MROH1: variants seen among roughly 807,000 people sequenced by gnomAD.
MROH1 encodes the protein maestro heat-like repeat-containing protein family member 1.
In MROH1, 117 loss-of-function variants were observed where a neutral mutation model predicts 116.5. That is an observed-to-expected ratio of 1.00 (90% CI 0.86 to 1.17). The LOEUF (loss-of-function observed/expected upper bound fraction) is 1.17, where lower values mean the gene tolerates loss of function less well. Among genes scored for constraint, MROH1 ranks in the 50% most tolerant of loss-of-function variants. The pLI, the probability that MROH1 is intolerant of heterozygous loss-of-function variation, is 0.00. For synonymous variants in MROH1, 921 were observed against 583.9 expected (o/e 1.58, Z -8.32); for missense variants, 1,873 against 1,338.5 (o/e 1.40, Z -6.23).
At chr8:144,222,999 C>T in intron 13 of MROH1, 109 bp from the exon 14 acceptor site, 2 of 1,490,342 alleles carry the variant, frequency 1.3e-6, no homozygotes, top group Non-Finnish European at 1.8e-6. Flanking sequence ...CAGTTGTGGG[C>T]ACATGTGTGG....
rs1352092820 is a variant in MROH1, at chr8:144,225,010, T to A, written c.1338+1780T>A. Among the ~76,000 whole-genome samples, 4 of 152,164 alleles carry A rather than the reference T, an allele frequency of 2.6e-5. No homozygotes were observed. In the East Asian group the frequency reaches 5.8e-4, roughly 22 times the overall value. On this transcript the variant is annotated intron_variant, in intron 14 of 43. Transcript: ENST00000326134. The stretch of plus-strand genomic sequence containing the variant: ...TTATCTATATTACCACACCTAACTT[T>A]CTTTTTTTTTTTCCATTTAAATTAT...
intron 25 of MROH1, 97 bp from the exon 26 acceptor site, chr8:144,243,766 G>A (rs1249530163): frequency 1.1e-5 from 8 of 739,774 alleles, no homozygotes; most frequent in Non-Finnish European, 1.8e-5. Flanking sequence ...TCTGCTCCTC[G>A]GGCCCCGCCT....
At chr8:144,158,861 C>G (rs1046940881) in intron 1 of MROH1, among the ~76,000 whole-genome samples, 1 of 152,148 alleles carries the variant, frequency 6.6e-6, no homozygotes, top group Non-Finnish European at 1.5e-5. Context: ...CCTCCTGCCT[C>G]CCGAGTAGCT....
In MROH1 at chr8:144,192,657, G is replaced by T. The variant is rs548578537; in HGVS notation, c.948+256G>T. The T allele has an allele frequency of 1.3e-4, 88 of 665,532 alleles. No individual in the cohort carries two copies. In the African/African-American group the frequency reaches 1.4e-3, roughly 10 times the overall value. 41.2% of individuals were successfully genotyped at this position (665,532 alleles called of 1,614,324 possible). A position where few individuals can be genotyped will look rare whatever the true frequency, so the allele number is the denominator to read the frequency against. On this transcript the variant is annotated intron_variant, in intron 10 of 43. Transcript: ENST00000326134. ...GCAGGAGTGGGTGCCCAGGCCCAGT[G>T]CAGGCCCAGTACAGGTGGTCCCAGA... is the stretch of plus-strand genomic sequence containing the variant.
In MROH1 at chr8:144,242,401, G is replaced by T; in HGVS notation, c.2211G>T (p.Lys737Asn). 1.3e-6 allele frequency: 1 copy of T among 780,754 alleles called. No individual in the cohort carries two copies. Among genetic ancestry groups the T allele is most frequent in the Non-Finnish European group, 2.4e-6 (1 of 417,840 alleles). The allele number at this position is 780,754 out of a possible 1,614,324, so 48.4% of individuals were successfully genotyped here. A position where few individuals can be genotyped will look rare whatever the true frequency, so the allele number is the denominator to read the frequency against. The change falls in exon 23 of 44, where the codon AAG (lysine) becomes AAT (asparagine). Residue 737 changes from lysine to asparagine, a missense_variant. Lys to Asn is a moderately conservative substitution (Grantham distance 94). Transcript: ENST00000326134. Reference protein sequence around the residue: ...DRSENEVEKVKSALILCYGHV... With the variant: ...DRSENEVEKVNSALILCYGHV... Reference sequence around the variant, plus strand: ...GTGAGAACGAAGTGGAGAAGGTGAAGAGTGCTCTGATCCTGTGCTATGGGC... The same window carrying T: ...GTGAGAACGAAGTGGAGAAGGTGAATAGTGCTCTGATCCTGTGCTATGGGC...
Position 144,200,327 on chromosome 8 carries a change from A to G in MROH1, c.1028-101A>G, listed in dbSNP as rs546184741. On this transcript the variant is annotated intron_variant, in intron 11 of 43. Coordinates refer to ENST00000326134, the MANE Select transcript of MROH1 (RefSeq NM_032450.3). ...CCCAGCTTCTCACCTTCACACAGCAACTCTCCTCTGGCTCCTCCCCTGTGC... is the reference window on the plus strand; with the variant it reads ...CCCAGCTTCTCACCTTCACACAGCAGCTCTCCTCTGGCTCCTCCCCTGTGC... The G allele has an allele frequency of 7.7e-5, 72 of 939,930 alleles. 1 individual carries two copies. In the South Asian group the frequency reaches 9.1e-4, roughly 12 times the overall value. The allele number at this position is 939,930 out of a possible 1,614,324, so 58.2% of individuals were successfully genotyped here. A position where few individuals can be genotyped will look rare whatever the true frequency, so the allele number is the denominator to read the frequency against.
At position 144,168,409 on chromosome 8, in the gene MROH1, C is replaced by T; in HGVS notation, c.137C>T (p.Ala46Val). The change falls in exon 4 of 44, where the codon GCC (alanine) becomes GTC (valine). Residue 46 changes from alanine to valine, a missense_variant. Physicochemically the swap from Ala to Val is moderately conservative, Grantham distance 64. Coordinates refer to ENST00000326134, the MANE Select transcript of MROH1 (RefSeq NM_032450.3). ...GCGCGGCCGGTGGAGACGCTCCGTG[C>T]CTGCGAGGAGTATCTGCGGCAGCAT... ...GEARPVETLR[A>V]CEEYLRQHDK... The T allele has an allele frequency of 2.5e-6, 4 of 1,610,710 alleles. No homozygotes were observed. The highest frequency in any genetic ancestry group is 3.4e-6 in the Non-Finnish European group (4 of 1,179,090).
chr8:144,151,855 G>A (rs1391076568), intron 1 of MROH1, among the ~76,000 whole-genome samples: 4 of 152,208 alleles, frequency 2.6e-5, no homozygotes, highest in East Asian at 1.9e-4. Flanking sequence ...GCCCTGCGAC[G>A]GGGACAAGGG....
chr8:144,207,146 A>T (rs1336093736), intron 12 of MROH1, among the ~76,000 whole-genome samples: 2 of 148,992 alleles, frequency 1.3e-5, no homozygotes, highest in Non-Finnish European at 3.0e-5. Context: ...TTGCGTATAT[A>T]TGTTGAAGTT....
intron 4 of MROH1, among the ~76,000 whole-genome samples, chr8:144,179,212 C>G (rs1312062013): frequency 9.9e-5 from 15 of 152,088 alleles, no homozygotes. Flanking sequence ...AGCCCCCCGC[C>G]TCGCCCTCTG....
Position 144,247,576 on chromosome 8 carries a change from G to A in MROH1, c.3017G>A (p.Arg1006Gln), listed in dbSNP as rs961461899. The A allele has an allele frequency of 2.2e-5, 17 of 774,278 alleles. No individual in the cohort carries two copies. Among genetic ancestry groups the A allele is most frequent in the East Asian group, 4.9e-5 (2 of 41,144 alleles). The allele number at this position is 774,278 out of a possible 1,614,324, so 48.0% of individuals were successfully genotyped here. ...YLQLGYEGFS[R>Q]DYRDDVAERL... ...TCCTGCCGCCTCTCAGGCTTCTCCC[G>A]GGACTACCGCGATGACGTGGCGGAG... Residue 1006 changes from arginine (R) to glutamine (Q), a missense_variant, in exon 31 of 44, where the codon CGG (arginine) becomes CAG (glutamine). Physicochemically the swap from Arg to Gln is conservative, Grantham distance 43. Transcript: ENST00000326134.
intron 1 of MROH1, among the ~76,000 whole-genome samples, chr8:144,159,032 T>A (rs1014955947): frequency 2.0e-5 from 3 of 152,118 alleles, no homozygotes; most frequent in Non-Finnish European, 4.4e-5. Context: ...TGAGCCACTC[T>A]GCCTGGCCGA....
intron 12 of MROH1, among the ~76,000 whole-genome samples, chr8:144,216,904 G>A (rs1297888246): frequency 2.0e-5 from 3 of 152,040 alleles, no homozygotes; most frequent in South Asian, 4.2e-4. Flanking sequence ...TGGTCAGGCT[G>A]GTCTCAAACT....
In MROH1 at chr8:144,179,597, G is replaced by C; in HGVS notation, c.300+11G>C. On this transcript the variant is annotated intron_variant, in intron 5 of 43. Coordinates refer to ENST00000326134, the MANE Select transcript of MROH1 (RefSeq NM_032450.3). Reference sequence around the variant, plus strand: ...ATGACCAAGACGAAGGTATTCAGCAGGCCCTCTGGCCTCGCAGACTCAGGC... The same window carrying C: ...ATGACCAAGACGAAGGTATTCAGCACGCCCTCTGGCCTCGCAGACTCAGGC... 6.3e-7 allele frequency: 1 copy of C among 1,599,646 alleles called. No individual in the cohort carries two copies. Among genetic ancestry groups the C allele is most frequent in the Non-Finnish European group, 8.5e-7 (1 of 1,173,688 alleles).
intron 1 of MROH1, among the ~76,000 whole-genome samples, chr8:144,150,344 C>T (rs1274901533): frequency 6.6e-6 from 1 of 152,154 alleles, no homozygotes; most frequent in East Asian, 1.9e-4. Context: ...TTCTCCCATT[C>T]GTTTGCTTTT....
At chr8:144,175,775 G>T (rs1258844598) in intron 4 of MROH1, among the ~76,000 whole-genome samples, 3 of 152,244 alleles carry the variant, frequency 2.0e-5, no homozygotes, top group Non-Finnish European at 4.4e-5. Context: ...AATATGCCGG[G>T]CTCGGTGGCT....
At chr8:144,191,080 A>AT (rs1231231403) in intron 8 of MROH1, 145 bp downstream of exon 8, 3 of 919,438 alleles carry the variant, frequency 3.3e-6, no homozygotes, top group South Asian at 1.9e-5. Flanking sequence ...ACCTTTATTT[A>AT]TTTTTTTGAG....
chr8:144,207,327 A>AGGG (rs1307022894), intron 12 of MROH1, among the ~76,000 whole-genome samples: 1 of 152,040 alleles, frequency 6.6e-6, no homozygotes, highest in Non-Finnish European at 1.5e-5. Context: ...AGCTAGGACT[A>AGGG]CAGGCGCTCA....
chr8:144,246,952 CCT>C (rs1401079161), intron 29 of MROH1, among the ~76,000 whole-genome samples: 1 of 152,254 alleles, frequency 6.6e-6, no homozygotes, highest in Admixed American at 6.5e-5. Flanking sequence ...CCCGTGCACT[CCT>C]CCCATTTGGG....
Sources: allele counts gnomAD v4.1 joint callset (sites outside exome capture counted in the v4.1 genomes callset), GRCh38; gene constraint gnomAD v4.1.1; transcripts MANE v1.5; gene names NCBI Gene and HGNC (gene_info 2026-07-23, HGNC 2026-07-21).